SLC25A13: variants seen among roughly 807,000 people sequenced by gnomAD.
SLC25A13 encodes electrogenic aspartate/glutamate antiporter SLC25A13, mitochondrial.
In SLC25A13, 70 loss-of-function variants were observed where a neutral mutation model predicts 85.5. The ratio of observed to expected loss-of-function variants is 0.82; its 90% CI spans 0.68 to 1.00. The LOEUF is 1.00. SLC25A13 is among the 50% of genes least tolerant of loss of function. The probability of loss-of-function intolerance (pLI) is 0.00; values close to 1 mark genes in which losing one functional copy is unlikely to be tolerated. For synonymous variants in SLC25A13, 259 were observed against 288.7 expected, an observed-to-expected ratio of 0.90 and a Z score of 1.04; for missense variants, 765 against 819.8, an observed-to-expected ratio of 0.93 and a Z score of 0.82.
rs745497684 is a variant in SLC25A13 at position 96,296,907 on chromosome 7, T to A, written c.60A>T (p.Ile20=). ...ATTCCTTTATACTGACCTTCAAAAA[T>A]ATTGTTCTAAGCTCAGCTGGATCTG... ...KRADPAELRT[I]FLKYASIEKN... The change falls in exon 2 of 18, where the codon ATA becomes ATT. Residue 20 remains isoleucine, a synonymous_variant. Coordinates refer to ENST00000265631, the MANE Select transcript of SLC25A13 (RefSeq NM_014251.3). 2.5e-6 allele frequency: 4 copies of A among 1,613,394 alleles called. No homozygotes were observed. Among genetic ancestry groups the A allele is most frequent in the Admixed American group, 1.7e-5 (1 of 60,004 alleles).
At chr7:96,306,745 T>C in intron 1 of SLC25A13, 1 of 1,114,994 alleles carries the variant, frequency 9.0e-7, no homozygotes, top group Non-Finnish European at 1.3e-6. Flanking sequence ...GTGCCCTTCA[T>C]CCCTCTGCAT....
intron 11 of SLC25A13, among the ~76,000 whole-genome samples, chr7:96,176,126 C>A (rs1038517502): frequency 1.3e-5 from 2 of 152,192 alleles, no homozygotes; most frequent in African/African-American, 2.4e-5. Flanking sequence ...CCTCCTTGTA[C>A]CTTGACCTCA....
At position 96,146,581 on chromosome 7, in the gene SLC25A13, T is replaced by C. The variant is rs1584370709; in HGVS notation, c.1427A>G (p.Asp476Gly). The change falls in exon 14 of 18, where the codon GAC becomes GGC. Residue 476 changes from aspartate to glycine, a missense_variant. Transcript: ENST00000265631. ...CTTGTAGATCCCAAAAAACCCCAGGTCCCGCACGACAGACAGAGCACTGAC... is the reference window on the plus strand; with the variant it reads ...CTTGTAGATCCCAAAAAACCCCAGGCCCCGCACGACAGACAGAGCACTGAC... ...PRVSALSVVR[D>G]LGFFGIYKGA... 6.2e-7 allele frequency: 1 copy of C among 1,611,882 alleles called. No individual in the cohort carries two copies. The highest frequency in any genetic ancestry group is 1.1e-5 in the South Asian group (1 of 90,938).
Position 96,168,947 on chromosome 7 carries a change from A to G in SLC25A13, c.1311+1098T>C, listed in dbSNP as rs138054677. 7.8e-3 allele frequency among the ~76,000 whole-genome samples: 1,192 copies of G among 152,294 alleles called. 15 individuals are homozygous for G. Among genetic ancestry groups the G allele is most frequent in the African/African-American group, 0.027 (1,105 of 41,552 alleles). ...ACTTCTAAAATTCTCTTTGATTATTATTGTGTGCCCTTTATATTTAGGACA... is the reference window on the plus strand; with the variant it reads ...ACTTCTAAAATTCTCTTTGATTATTGTTGTGTGCCCTTTATATTTAGGACA... On this transcript the variant is annotated intron_variant, in intron 13 of 17. Transcript: ENST00000265631.
chr7:96,146,550 AG>A lies in SLC25A13; in HGVS notation c.1452+5del. The A allele has an allele frequency of 1.2e-6, 2 of 1,610,410 alleles. No homozygotes were observed. Among genetic ancestry groups the A allele is most frequent in the Non-Finnish European group, 1.7e-6 (2 of 1,179,088 alleles). On this transcript the variant is annotated splice_donor_5th_base_variant and intron_variant, in intron 14 of 17. Coordinates refer to ENST00000265631, the MANE Select transcript of SLC25A13 (RefSeq NM_014251.3). Reference sequence around the variant, plus strand: ...AAATAAATGACTAAAAAAAAAAAAAAGTTACCTTGTAGATCCCAAAAAACCC... The same window carrying A: ...AAATAAATGACTAAAAAAAAAAAAAATTACCTTGTAGATCCCAAAAAACCC...
chr7:96,290,448 G>T (rs977895794), intron 2 of SLC25A13, among the ~76,000 whole-genome samples: 1 of 152,004 alleles, frequency 6.6e-6, no homozygotes, highest in Non-Finnish European at 1.5e-5. Context: ...ATGTAAATGG[G>T]CTAAATGCTC....
intron 3 of SLC25A13, among the ~76,000 whole-genome samples, chr7:96,265,290 T>C (rs1798006797): frequency 6.6e-6 from 1 of 152,192 alleles, no homozygotes; most frequent in African/African-American, 2.4e-5. Flanking sequence ...ATGCAGATCA[T>C]CCAAATGTTA....
At chr7:96,135,195 A>G (rs1401489207) in intron 14 of SLC25A13, among the ~76,000 whole-genome samples, 2 of 152,156 alleles carry the variant, frequency 1.3e-5, no homozygotes, top group Non-Finnish European at 1.5e-5. Flanking sequence ...TATCCACTGC[A>G]TTACAAACAT....
intron 2 of SLC25A13, among the ~76,000 whole-genome samples, chr7:96,284,467 T>C (rs1798809705): frequency 6.6e-6 from 1 of 152,206 alleles, no homozygotes; most frequent in Non-Finnish European, 1.5e-5. Flanking sequence ...CAAGTGTAAT[T>C]CACTATGTTA....
chr7:96,240,761 G>A (rs1796940665), intron 3 of SLC25A13, among the ~76,000 whole-genome samples: 1 of 136,390 alleles, frequency 7.3e-6, no homozygotes, highest in Admixed American at 7.5e-5. Flanking sequence ...AAAAAAAAAA[G>A]AAAAGAAAGA....
intron 2 of SLC25A13, among the ~76,000 whole-genome samples, chr7:96,279,280 AT>A (rs1238434699): frequency 6.6e-6 from 1 of 152,118 alleles, no homozygotes; most frequent in Non-Finnish European, 1.5e-5. Flanking sequence ...AGTGTATAGA[AT>A]TTTTTTCTCC....
intron 15 of SLC25A13, among the ~76,000 whole-genome samples, chr7:96,124,961 T>G (rs1791665530): frequency 6.6e-6 from 1 of 152,198 alleles, no homozygotes; most frequent in South Asian, 2.1e-4. Flanking sequence ...GTCCTTCCTT[T>G]CATTTGTCAG....
intron 2 of SLC25A13, chr7:96,283,950 T>C (rs1263244939): frequency 5.9e-5 from 9 of 152,430 alleles, no homozygotes; most frequent in Non-Finnish European, 1.3e-4. Flanking sequence ...TAATCAAATT[T>C]AACGTATTGC....
chr7:96,308,683 T>C (rs928373907), intron 1 of SLC25A13, among the ~76,000 whole-genome samples: 2 of 152,112 alleles, frequency 1.3e-5, no homozygotes, highest in Non-Finnish European at 1.5e-5. Flanking sequence ...TCAGAAGCCA[T>C]ATAATCCAGA....
In SLC25A13 at chr7:96,170,096, C is replaced by T. The variant is rs750535328; in HGVS notation, c.1260G>A (p.Met420Ile). The stretch of plus-strand genomic sequence containing the variant: ...CAAGTGGGACCGAACCATCTTTGTG[C>T]ATAAATTTATCCCTCACAAAATCGT... ...TVNDFVRDKF[M>I]HKDGSVPLAA... The change falls in exon 13 of 18, where the codon ATG becomes ATA. Residue 420 changes from methionine (M) to isoleucine (I), a missense_variant. Transcript: ENST00000265631. 3.1e-6 allele frequency: 5 copies of T among 1,614,038 alleles called. No individual in the cohort carries two copies. The African/African-American group carries it at 5.3e-5, about 17-fold the overall frequency.
At chr7:96,260,924 T>G (rs936109488) in intron 3 of SLC25A13, among the ~76,000 whole-genome samples, 1 of 152,110 alleles carries the variant, frequency 6.6e-6, no homozygotes, top group Non-Finnish European at 1.5e-5. Context: ...CTCCAATGAC[T>G]TCTACTACTC....
chr7:96,121,188 T>A lies in SLC25A13; in HGVS notation c.*3A>T. On this transcript the variant is annotated 3_prime_UTR_variant, in exon 18 of 18. Transcript: ENST00000265631. ...AGACAGCACTATCCCAGGGCTGATC[T>A]TCCTATGGGCCTCCACCAATAGCCT... 1 of 1,614,166 alleles carries A rather than the reference T, an allele frequency of 6.2e-7. No individual in the cohort carries two copies. Among genetic ancestry groups the A allele is most frequent in the Non-Finnish European group, 8.5e-7 (1 of 1,179,984 alleles).
At chr7:96,125,279 A>G (rs1259159008) in intron 15 of SLC25A13, among the ~76,000 whole-genome samples, 1 of 152,060 alleles carries the variant, frequency 6.6e-6, no homozygotes, top group African/African-American at 2.4e-5. Flanking sequence ...AGTAGTAGAG[A>G]CAGGGTTTCA....
chr7:96,186,806 A>T (rs962392905), intron 9 of SLC25A13, among the ~76,000 whole-genome samples: 13 of 152,288 alleles, frequency 8.5e-5, no homozygotes, highest in African/African-American at 2.9e-4. Context: ...TAATTTTTTT[A>T]AAAACAATTT....
Sources: gnomAD v4.1 joint callset for allele counts (sites outside exome capture counted in the v4.1 genomes callset) on GRCh38, gnomAD v4.1.1 for gene constraint, MANE v1.5 for transcripts, NCBI Gene and HGNC (gene_info 2026-07-23, HGNC 2026-07-21) for gene names.